LRRC36: variants seen among roughly 807,000 people sequenced by gnomAD.
LRRC36 encodes the protein leucine rich repeat containing 36.
Under a neutral mutation model 81.1 loss-of-function variants are expected in LRRC36, and 62 were observed. The observed-to-expected ratio is 0.76, with a 90% confidence interval of 0.62 to 0.94. LRRC36 has a LOEUF of 0.94. Among genes scored for constraint, LRRC36 ranks in the 40% least tolerant of loss-of-function variants. The pLI, the probability that LRRC36 is intolerant of heterozygous loss-of-function variation, is 0.00. For synonymous variants in LRRC36, 334 were observed against 348.6 expected, an observed-to-expected ratio of 0.96 and a Z score of 0.47; for missense variants, 761 against 881.7, an observed-to-expected ratio of 0.86 and a Z score of 1.73.
Position 67,326,955 on chromosome 16 carries a change from T to C in LRRC36, c.70+23T>C, listed in dbSNP as rs748428467. The stretch of plus-strand genomic sequence containing the variant: ...CGGGTAGGGTCTGGCCGGGAGGGTG[T>C]GGACTGGGAACGTAGGGTCAGAAGC... On this transcript the variant is annotated intron_variant, in intron 1 of 13. Transcript: ENST00000329956. 7.4e-6 allele frequency: 11 copies of C among 1,488,506 alleles called. No homozygotes were observed. In the East Asian group the frequency reaches 3.1e-4, roughly 42 times the overall value. The allele number at this position is 1,488,506 out of a possible 1,614,324, so 92.2% of individuals were successfully genotyped here.
intron 11 of LRRC36, among the ~76,000 whole-genome samples, chr16:67,377,600 G>A (rs999146310): frequency 1.4e-4 from 21 of 151,958 alleles, no homozygotes; most frequent in African/African-American, 4.8e-4. Flanking sequence ...CCAAAGTGCT[G>A]GGATTACAGG....
At chr16:67,347,456 A>T (rs2038405058) in intron 3 of LRRC36, 39 bp from the exon 4 acceptor site, 1 of 1,610,370 alleles carries the variant, frequency 6.2e-7, no homozygotes, top group Admixed American at 1.7e-5. Flanking sequence ...GTCTATGCCA[A>T]AAAAAGAAAC....
chr16:67,357,334 A>G (rs1306877387), intron 5 of LRRC36, among the ~76,000 whole-genome samples: 1 of 152,204 alleles, frequency 6.6e-6, no homozygotes, highest in East Asian at 1.9e-4. Context: ...TAATTATCAT[A>G]TCTGCAATAG....
chr16:67,333,953 A>C (rs1375640007), intron 1 of LRRC36, among the ~76,000 whole-genome samples: 1 of 152,104 alleles, frequency 6.6e-6, no homozygotes, highest in Non-Finnish European at 1.5e-5. Context: ...CATAGTTTAC[A>C]TTAGAGCTCA....
In LRRC36 at chr16:67,347,497, G is replaced by A; in HGVS notation, c.394G>A (p.Asp132Asn). Residue 132 changes from aspartate (D) to asparagine (N), a missense_variant and splice_region_variant, in exon 4 of 14, where the codon GAC (aspartate) becomes AAC (asparagine). This residue lies in a region of LRRC36 where 263 missense variants were observed against 279.3 expected (regional missense o/e 0.94). Transcript: ENST00000329956. ...YTLQTLEKLD[D>N]RTVREGERKA... is the part of the protein sequence containing the mutation. ...CAGACCACGGTTTTTGCCTCCAGAT[G>A]ACCGAACTGTACGTGAAGGTGAGAG... 1 of 1,612,954 alleles carries A rather than the reference G, an allele frequency of 6.2e-7. No homozygotes were observed. The highest frequency in any genetic ancestry group is 8.5e-7 in the Non-Finnish European group (1 of 1,179,192).
In LRRC36 at chr16:67,367,008, G is replaced by A. The variant is rs775916247; in HGVS notation, c.755-9G>A. The A allele has an allele frequency of 1.9e-6, 3 of 1,577,742 alleles. No homozygotes were observed. The highest frequency in any genetic ancestry group is 2.6e-6 in the Non-Finnish European group (3 of 1,164,404). On this transcript the variant is annotated splice_polypyrimidine_tract_variant and intron_variant, in intron 7 of 13. Coordinates refer to ENST00000329956, the MANE Select transcript of LRRC36 (RefSeq NM_018296.6). ...TCATGTTTTGTTTTTTTGCCTTGGT[G>A]GTGTTTAGAGTTCAGACACTACTCG...
chr16:67,345,709 T>A (rs1223704167), intron 2 of LRRC36, among the ~76,000 whole-genome samples: 1 of 151,764 alleles, frequency 6.6e-6, no homozygotes, highest in Non-Finnish European at 1.5e-5. Context: ...CCCTAAATAG[T>A]CCTTTGACCA....
Position 67,371,164 on chromosome 16 carries a change from G to A in LRRC36, c.1416G>A (p.Lys472=). The A allele has an allele frequency of 6.2e-7, 1 of 1,614,184 alleles. No homozygotes were observed. Among genetic ancestry groups the A allele is most frequent in the Non-Finnish European group, 8.5e-7 (1 of 1,180,020 alleles). Residue 472 remains lysine (K), a synonymous_variant, in exon 9 of 14, where the codon AAG becomes AAA. Coordinates refer to ENST00000329956, the MANE Select transcript of LRRC36 (RefSeq NM_018296.6). ...CCAAGAGGTCACTAAGCCCATCGAA[G>A]AGAGGATTCAAATGGAAGGACAATA... ...IFTKRSLSPS[K]RGFKWKDNIL... is the part of the protein sequence containing the mutation.
intron 6 of LRRC36, 23 bp downstream of exon 6, chr16:67,363,737 G>C: frequency 2.5e-6 from 4 of 1,611,094 alleles, no homozygotes; most frequent in Non-Finnish European, 2.5e-6. Context: ...CTCTCCTGCT[G>C]ATCTGTTGAC....
chr16:67,378,292 T>G (rs1012322518), intron 11 of LRRC36, among the ~76,000 whole-genome samples: 2 of 138,280 alleles, frequency 1.4e-5, no homozygotes, highest in East Asian at 2.0e-4. Flanking sequence ...CAGGCTGGAG[T>G]GCAATGGCAC....
At chr16:67,373,402 AT>A (rs200591350) in intron 9 of LRRC36, among the ~76,000 whole-genome samples, 418 of 147,974 alleles carry the variant, frequency 2.8e-3, no homozygotes, top group Middle Eastern at 0.014. Context: ...CATTTTTTAC[AT>A]TTTTTTTTTA....
In LRRC36 at chr16:67,382,127, T is replaced by C. The variant is rs139013869; in HGVS notation, c.1931-6T>C. ...TTTTCACCCCTGGCTACTGTGCCCT[T>C]TGTAGATGATCTTCTGCACAAAAAC... is the stretch of plus-strand genomic sequence containing the variant. On this transcript the variant is annotated splice_polypyrimidine_tract_variant and splice_region_variant and intron_variant, in intron 12 of 13. Transcript: ENST00000329956. 4.7e-5 allele frequency: 75 copies of C among 1,595,692 alleles called. 1 individual carries two copies. The African/African-American group carries it at 8.6e-4, about 18-fold the overall frequency.
At chr16:67,341,029 T>C (rs1414053278) in intron 1 of LRRC36, among the ~76,000 whole-genome samples, 2 of 124,042 alleles carry the variant, frequency 1.6e-5, no homozygotes, top group Admixed American at 1.5e-4. Flanking sequence ...ATATGTACTC[T>C]ACATATTCTA....
chr16:67,346,610 C>A (rs1251935339), intron 3 of LRRC36, among the ~76,000 whole-genome samples, 162 bp downstream of exon 3: 1 of 152,064 alleles, frequency 6.6e-6, no homozygotes, highest in Non-Finnish European at 1.5e-5. Context: ...ATGACGAGTT[C>A]TTTTATTGTT....
intron 1 of LRRC36, among the ~76,000 whole-genome samples, chr16:67,328,999 T>C (rs2037344557): frequency 6.6e-6 from 1 of 152,144 alleles, no homozygotes; most frequent in African/African-American, 2.4e-5. Context: ...AATCTCCACC[T>C]CCGCATTTCA....
chr16:67,380,390 T>C (rs1470715876), intron 12 of LRRC36, among the ~76,000 whole-genome samples: 1 of 152,204 alleles, frequency 6.6e-6, no homozygotes, highest in African/African-American at 2.4e-5. Context: ...ATTTTGCCAT[T>C]GTGATAAGTG....
intron 10 of LRRC36, among the ~76,000 whole-genome samples, chr16:67,375,761 A>C (rs2039867331): frequency 6.6e-6 from 1 of 152,170 alleles, no homozygotes; most frequent in South Asian, 2.1e-4. Context: ...TAATGAATAC[A>C]ACAGAAATTG....
At chr16:67,383,022 G>A (rs1290754389) in intron 13 of LRRC36, among the ~76,000 whole-genome samples, 4 of 143,944 alleles carry the variant, frequency 2.8e-5, no homozygotes, top group African/African-American at 1.0e-4. Context: ...GCAGCAAGCC[G>A]AGATCGCGCC....
At chr16:67,352,228 G>A (rs1052120506) in intron 5 of LRRC36, among the ~76,000 whole-genome samples, 11 of 152,128 alleles carry the variant, frequency 7.2e-5, no homozygotes, top group Admixed American at 3.3e-4. Context: ...TTGCTACTTC[G>A]AAACGTTAAG....
Sources: gnomAD v4.1 joint callset for allele counts (sites outside exome capture counted in the v4.1 genomes callset) on GRCh38, gnomAD v4.1.1 for gene constraint, gnomAD v4.1.1 regional missense constraint, MANE v1.5 for transcripts, NCBI Gene and HGNC (gene_info 2026-07-23, HGNC 2026-07-21) for gene names.